Variants in ARL13B observed in about 807,000 individuals in gnomAD.
ARL13B encodes ADP-ribosylation factor-like protein 13B.
In ARL13B, 36 loss-of-function variants were observed where a neutral mutation model predicts 56.1. That is an observed-to-expected ratio of 0.64 (90% CI 0.49 to 0.85). The LOEUF is 0.85. Among genes scored for constraint, ARL13B ranks in the 40% least tolerant of loss-of-function variants. The pLI is 0.00. For missense variants in ARL13B, 519 were observed against 507.1 expected, an observed-to-expected ratio of 1.02 and a Z score of -0.23; for synonymous variants, 178 against 171.1, an observed-to-expected ratio of 1.04 and a Z score of -0.32.
At position 94,053,222 on chromosome 3, in the gene ARL13B, C is replaced by T; in HGVS notation, c.1246C>T (p.Pro416Ser). Residue 416 changes from proline (P) to serine (S), a missense_variant, in exon 10 of 10, where the codon CCA becomes TCA. Pro to Ser is a moderately conservative substitution (Grantham distance 74). Transcript: ENST00000394222. ...GAAGCCACTGCCTCCCCTGGCTGTGCCACAGCGACCTAACAGTGATGCTCA... is the reference window on the plus strand; with the variant it reads ...GAAGCCACTGCCTCCCCTGGCTGTGTCACAGCGACCTAACAGTGATGCTCA... ...YRKPLPPLAV[P>S]QRPNSDAHDV... 1 of 1,613,150 alleles carries T rather than the reference C, an allele frequency of 6.2e-7. No individual in the cohort carries two copies. Among genetic ancestry groups the T allele is most frequent in the Non-Finnish European group, 8.5e-7 (1 of 1,179,724 alleles).
Position 93,999,087 on chromosome 3 carries a change from CTATT to C in ARL13B, c.130+3167_130+3170del, listed in dbSNP as rs6147954. Among the ~76,000 whole-genome samples, 24 of 149,622 alleles carry C rather than the reference CTATT, an allele frequency of 1.6e-4. No homozygotes were observed. In the East Asian group the frequency reaches 1.9e-3, roughly 12 times the overall value. ...CAGTAGCTTTTTTCTAATTCATATT[CTATT>C]TATTTATTTATTTATTTATTTATAA... On this transcript the variant is annotated intron_variant, in intron 2 of 9. Coordinates refer to ENST00000394222, the MANE Select transcript of ARL13B (RefSeq NM_001174150.2).
chr3:93,982,861 C>T (rs1225299201), intron 1 of ARL13B, among the ~76,000 whole-genome samples: 3 of 152,088 alleles, frequency 2.0e-5, no homozygotes, highest in African/African-American at 7.2e-5. Flanking sequence ...ATAACATTAG[C>T]AAGTAGTTCC....
intron 3 of ARL13B, among the ~76,000 whole-genome samples, chr3:94,024,423 T>C (rs1050462565): frequency 6.6e-6 from 1 of 152,234 alleles, no homozygotes; most frequent in Non-Finnish European, 1.5e-5. Context: ...GTCCTATATT[T>C]ATACAATGGT....
intron 9 of ARL13B, 66 bp from the exon 10 acceptor site, chr3:94,053,117 TAATG>T: frequency 1.6e-6 from 2 of 1,258,344 alleles, no homozygotes; most frequent in Non-Finnish European, 2.3e-6. Flanking sequence ...GTCTAAAAAA[TAATG>T]AACTGTGTCA....
At chr3:94,045,898 C>T (rs1378853912) in intron 7 of ARL13B, among the ~76,000 whole-genome samples, 1 of 147,798 alleles carries the variant, frequency 6.8e-6, no homozygotes, top group African/African-American at 2.5e-5. Context: ...TTGCAGTGAG[C>T]CGAGATGGTG....
chr3:94,053,582 T>C lies in ARL13B; in HGVS notation c.*319T>C, dbSNP rs919810994. 2.0e-6 allele frequency: 1 copy of C among 511,682 alleles called. No homozygotes were observed. Among genetic ancestry groups the C allele is most frequent in the Non-Finnish European group, 3.8e-6 (1 of 265,518 alleles). 31.7% of individuals were successfully genotyped at this position (511,682 alleles called of 1,614,324 possible). On this transcript the variant is annotated 3_prime_UTR_variant, in exon 10 of 10. Coordinates refer to ENST00000394222, the MANE Select transcript of ARL13B (RefSeq NM_001174150.2). ...AGGAAAACTTTACAAAAAGAGCCAA[T>C]GGACTCAGCACTTTCTTTACTATTT...
intron 1 of ARL13B, among the ~76,000 whole-genome samples, chr3:93,986,684 A>G (rs560981611): frequency 7.0e-4 from 106 of 152,268 alleles, no homozygotes; most frequent in African/African-American, 2.3e-3. Context: ...AACAGCTTTT[A>G]TGGGCCAGGC....
At chr3:94,038,801 G>A (rs962082327) in intron 5 of ARL13B, among the ~76,000 whole-genome samples, 2 of 151,920 alleles carry the variant, frequency 1.3e-5, no homozygotes, top group Admixed American at 6.6e-5. Flanking sequence ...GATTACAGGC[G>A]TGAGCCACCG....
Position 94,045,115 on chromosome 3 carries a change from G to C in ARL13B, c.1024+1875G>C, listed in dbSNP as rs538404950. ...GTTCTGTACTAAGAAAAATTCTTCT[G>C]CCTTGGGATGCTGTTAATCTATAAC... On this transcript the variant is annotated intron_variant, in intron 7 of 9. Coordinates refer to ENST00000394222, the MANE Select transcript of ARL13B (RefSeq NM_001174150.2). Among the ~76,000 whole-genome samples the C allele has an allele frequency of 1.3e-3, 194 of 152,314 alleles. 1 individual carries two copies. Among genetic ancestry groups the C allele is most frequent in the African/African-American group, 4.5e-3 (187 of 41,570 alleles).
At chr3:94,011,147 A>C (rs1559982421) in intron 3 of ARL13B, among the ~76,000 whole-genome samples, 1 of 152,126 alleles carries the variant, frequency 6.6e-6, no homozygotes, top group South Asian at 2.1e-4. Flanking sequence ...ATTGTTTATG[A>C]AATACATATT....
At chr3:94,050,166 G>GAAAA (rs77813443) in intron 8 of ARL13B, among the ~76,000 whole-genome samples, 1 of 90,380 alleles carries the variant, frequency 1.1e-5, no homozygotes, top group Non-Finnish European at 2.2e-5. Flanking sequence ...TCCATCTCGG[G>GAAAA]AAAAAAAAAA....
intron 6 of ARL13B, among the ~76,000 whole-genome samples, chr3:94,040,656 T>TAAAGTCAGG (rs2076845761): frequency 6.6e-6 from 1 of 151,884 alleles, no homozygotes; most frequent in African/African-American, 2.4e-5. Flanking sequence ...TTCCTAAACC[T>TAAAGTCAGG]TAGGCTGACT....
rs1575913473 is a variant in ARL13B at position 93,980,562 on chromosome 3, C to T, written c.59+80C>T. The T allele has an allele frequency of 1.3e-5, 21 of 1,557,106 alleles. No individual in the cohort carries two copies. The East Asian group carries it at 3.4e-4, about 25-fold the overall frequency. ...CAGGGGCGAGGCGCCGCCTTTTCCC[C>T]GCGCCTGGACGAGTCTATCCCAGGC... is the stretch of plus-strand genomic sequence containing the variant. On this transcript the variant is annotated intron_variant, in intron 1 of 9. Coordinates refer to ENST00000394222, the MANE Select transcript of ARL13B (RefSeq NM_001174150.2).
At chr3:94,001,924 A>G (rs2076062118) in intron 2 of ARL13B, among the ~76,000 whole-genome samples, 1 of 152,310 alleles carries the variant, frequency 6.6e-6, no homozygotes, top group Non-Finnish European at 1.5e-5. Flanking sequence ...CATTCTGCTT[A>G]TATGTCTAAC....
In ARL13B at chr3:94,054,095, G is replaced by A. The variant is rs1166423660; in HGVS notation, c.*832G>A. On this transcript the variant is annotated 3_prime_UTR_variant, in exon 10 of 10. Coordinates refer to ENST00000394222, the MANE Select transcript of ARL13B (RefSeq NM_001174150.2). Reference sequence around the variant, plus strand: ...GTCTCAGTAAAGTCCTATTTTAAAGGTTAGACACTTTCAGAGATCAAGGTG... The same window carrying A: ...GTCTCAGTAAAGTCCTATTTTAAAGATTAGACACTTTCAGAGATCAAGGTG... 2 of 452,122 alleles carry A rather than the reference G, an allele frequency of 4.4e-6. No individual in the cohort carries two copies. Among genetic ancestry groups the A allele is most frequent in the Non-Finnish European group, 8.9e-6 (2 of 225,556 alleles). 28.0% of individuals were successfully genotyped at this position (452,122 alleles called of 1,614,324 possible).
At chr3:94,017,759 A>G (rs2076362306) in intron 3 of ARL13B, among the ~76,000 whole-genome samples, 1 of 152,186 alleles carries the variant, frequency 6.6e-6, no homozygotes, top group Non-Finnish European at 1.5e-5. Context: ...TTGAGAAGCC[A>G]GGCAGATGAA....
chr3:93,980,542 G>A (rs912075611), intron 1 of ARL13B, 60 bp downstream of exon 1: 40 of 1,592,918 alleles, frequency 2.5e-5, no homozygotes, highest in African/African-American at 4.0e-5. Flanking sequence ...CGCCCCAGGG[G>A]CGAGGCGCCG....
chr3:94,040,193 G>A (rs188344017), intron 6 of ARL13B, among the ~76,000 whole-genome samples: 5 of 152,186 alleles, frequency 3.3e-5, no homozygotes, highest in Admixed American at 6.5e-5. Flanking sequence ...AGTGTGAAAG[G>A]GGGAATATGA....
At chr3:94,032,128 A>G (rs1292591224) in intron 3 of ARL13B, among the ~76,000 whole-genome samples, 1 of 152,246 alleles carries the variant, frequency 6.6e-6, no homozygotes, top group East Asian at 1.9e-4. Context: ...TGGAGCAAAC[A>G]GCCTGCAGAA....
Sources: gnomAD v4.1 joint callset for allele counts (sites outside exome capture counted in the v4.1 genomes callset) on GRCh38, gnomAD v4.1.1 for gene constraint, MANE v1.5 for transcripts, NCBI Gene and HGNC (gene_info 2026-07-23, HGNC 2026-07-21) for gene names.